The following ZNF804A variants were observed in gnomAD, a reference collection of about 807,000 sequenced individuals.
ZNF804A encodes the protein zinc finger protein 804A.
A neutral mutation model predicts 16.5 loss-of-function variants in ZNF804A; 2 were observed. The observed-to-expected ratio is 0.12, with a 90% CI of 0.05 to 0.38. The LOEUF is 0.38. Ranked by LOEUF, ZNF804A falls within the 10% of genes least tolerant of loss-of-function variation. The pLI is 0.99. For missense variants in ZNF804A, 1,473 were observed against 1,390.7 expected, an observed-to-expected ratio of 1.06 and a Z score of -0.94; for synonymous variants, 534 against 489.6, an observed-to-expected ratio of 1.09 and a Z score of -1.20.
At chr2:184,867,267 C>T (rs1695890295) in intron 2 of ZNF804A, among the ~76,000 whole-genome samples, 1 of 152,038 alleles carries the variant, frequency 6.6e-6, no homozygotes, top group Non-Finnish European at 1.5e-5. Flanking sequence ...ATACAATACA[C>T]AGTATTAGCA....
intron 1 of ZNF804A, among the ~76,000 whole-genome samples, chr2:184,795,689 A>G (rs1218060507): frequency 6.6e-6 from 1 of 152,162 alleles, no homozygotes; most frequent in Non-Finnish European, 1.5e-5. Context: ...TTTAACCAAG[A>G]AAAGAAGAGA....
At chr2:184,702,024 A>G (rs577349200) in intron 1 of ZNF804A, among the ~76,000 whole-genome samples, 10 of 152,060 alleles carry the variant, frequency 6.6e-5, no homozygotes, top group Non-Finnish European at 1.2e-4. Flanking sequence ...ATTTGTCTGT[A>G]TTTTTATTTT....
intron 1 of ZNF804A, among the ~76,000 whole-genome samples, chr2:184,758,265 G>A (rs886424157): frequency 1.6e-4 from 25 of 151,858 alleles, no homozygotes; most frequent in Non-Finnish European, 2.9e-4. Flanking sequence ...TCAAGATAGC[G>A]AATTAGGTAA....
At chr2:184,731,032 C>G (rs1693505577) in intron 1 of ZNF804A, among the ~76,000 whole-genome samples, 2 of 151,608 alleles carry the variant, frequency 1.3e-5, no homozygotes, top group African/African-American at 4.8e-5. Flanking sequence ...CACCTGAGGT[C>G]AGGAGTTCGA....
At chr2:184,931,246 G>A (rs1229218428) in intron 2 of ZNF804A, among the ~76,000 whole-genome samples, 2 of 152,230 alleles carry the variant, frequency 1.3e-5, no homozygotes, top group Non-Finnish European at 2.9e-5. Flanking sequence ...CCACTAAGCA[G>A]TGCCCAAGTG....
chr2:184,933,826 TACTGTACCCAGA>T lies in ZNF804A; in HGVS notation c.386+95_386+106del. ...AAATAAAGGGCACAAATCTATTTAT[TACTGTACCCAGA>T]ATAAGGCACACATGTTTTCATGGCC... On this transcript the variant is annotated intron_variant, in intron 3 of 3. Coordinates refer to ENST00000302277, the MANE Select transcript of ZNF804A (RefSeq NM_194250.2). 2.3e-6 allele frequency: 3 copies of T among 1,290,516 alleles called. No individual in the cohort carries two copies. The South Asian group carries it at 4.3e-5, about 19-fold the overall frequency. 79.9% of individuals were successfully genotyped at this position (1,290,516 alleles called of 1,614,324 possible). A position where few individuals can be genotyped will look rare whatever the true frequency, so the allele number is the denominator to read the frequency against.
chr2:184,761,578 G>A (rs991017019), intron 1 of ZNF804A, among the ~76,000 whole-genome samples: 2 of 151,992 alleles, frequency 1.3e-5, no homozygotes, highest in African/African-American at 2.4e-5. Context: ...AATGAATCCC[G>A]GACTTATTTA....
intron 1 of ZNF804A, among the ~76,000 whole-genome samples, chr2:184,761,999 A>G (rs761748315): frequency 1.3e-5 from 2 of 152,064 alleles, no homozygotes; most frequent in Non-Finnish European, 2.9e-5. Context: ...TCTGTAGTTT[A>G]TTACTTCCTT....
intron 1 of ZNF804A, among the ~76,000 whole-genome samples, chr2:184,619,004 G>A (rs79810270): frequency 0.012 from 1,790 of 152,040 alleles, 31 homozygotes; most frequent in African/African-American, 0.041. Context: ...GGTAAGATGC[G>A]GATGCATCTA....
intron 1 of ZNF804A, among the ~76,000 whole-genome samples, chr2:184,725,832 C>G (rs1175474943): frequency 6.6e-6 from 1 of 151,438 alleles, no homozygotes; most frequent in Non-Finnish European, 1.5e-5. Context: ...TCCCTGGTAA[C>G]CACTAATGTG....
chr2:184,863,172 A>G (rs1695825016), intron 1 of ZNF804A, among the ~76,000 whole-genome samples: 1 of 152,132 alleles, frequency 6.6e-6, no homozygotes, highest in Non-Finnish European at 1.5e-5. Flanking sequence ...TTATGTGCTT[A>G]AAAGTTTAGA....
At chr2:184,692,215 G>T (rs544131644) in intron 1 of ZNF804A, among the ~76,000 whole-genome samples, 5 of 152,290 alleles carry the variant, frequency 3.3e-5, no homozygotes, top group African/African-American at 1.2e-4. Flanking sequence ...GCAGGGCAGA[G>T]CAGTTAATAG....
intron 1 of ZNF804A, among the ~76,000 whole-genome samples, chr2:184,781,228 A>T (rs1694366779): frequency 6.6e-6 from 1 of 151,782 alleles, no homozygotes; most frequent in Non-Finnish European, 1.5e-5. Context: ...TTATCTTAGT[A>T]ATTTGACGTT....
chr2:184,683,041 A>G (rs1692567713), intron 1 of ZNF804A, among the ~76,000 whole-genome samples: 1 of 146,500 alleles, frequency 6.8e-6, no homozygotes, highest in African/African-American at 2.4e-5. Context: ...GTCTCAAAAA[A>G]TAAAATAAAA....
chr2:184,638,957 C>T (rs1481976453), intron 1 of ZNF804A, among the ~76,000 whole-genome samples: 1 of 151,354 alleles, frequency 6.6e-6, no homozygotes, highest in Non-Finnish European at 1.5e-5. Flanking sequence ...ACAGTTTATA[C>T]TATTTAAGTT....
chr2:184,658,689 A>G (rs964516738), intron 1 of ZNF804A, among the ~76,000 whole-genome samples: 1 of 152,198 alleles, frequency 6.6e-6, no homozygotes, highest in African/African-American at 2.4e-5. Context: ...CACACCCAAT[A>G]ATCAGTGCTC....
chr2:184,900,812 A>G (rs1043695963), intron 2 of ZNF804A, among the ~76,000 whole-genome samples: 1 of 152,156 alleles, frequency 6.6e-6, no homozygotes, highest in Non-Finnish European at 1.5e-5. Context: ...GCTGGTCAGT[A>G]CTGCCAGTGC....
chr2:184,842,193 G>A (rs567169537), intron 1 of ZNF804A, among the ~76,000 whole-genome samples: 57 of 152,232 alleles, frequency 3.7e-4, no homozygotes, highest in African/African-American at 1.3e-3. Flanking sequence ...TTTCCCTGCT[G>A]TGCTAACAAT....
chr2:184,760,157 G>A (rs1694020079), intron 1 of ZNF804A, among the ~76,000 whole-genome samples: 1 of 152,092 alleles, frequency 6.6e-6, no homozygotes, highest in Admixed American at 6.6e-5. Flanking sequence ...CAGGCCATCT[G>A]GGCGTATACA....
Sources: allele counts gnomAD v4.1 joint callset (sites outside exome capture counted in the v4.1 genomes callset), GRCh38; gene constraint gnomAD v4.1.1; transcripts MANE v1.5; gene names NCBI Gene and HGNC (gene_info 2026-07-23, HGNC 2026-07-21).